The following AUTS2 variants were observed in gnomAD, a reference collection of about 807,000 sequenced individuals.
AUTS2 encodes autism susceptibility gene 2 protein.
In AUTS2, 17 loss-of-function variants were observed where a neutral mutation model predicts 112.4. The ratio of observed to expected loss-of-function variants is 0.15; its 90% CI spans 0.10 to 0.23. The LOEUF (loss-of-function observed/expected upper bound fraction) is 0.23, where lower values mean the gene tolerates loss of function less well. Among genes scored for constraint, AUTS2 ranks in the 10% least tolerant of loss-of-function variants. AUTS2 has a pLI of 1.00. For missense variants in AUTS2, 1,510 were observed against 1,701.6 expected (o/e 0.89, Z 1.98); for synonymous variants, 751 against 702.7 (o/e 1.07, Z -1.09).
intron 1 of AUTS2, among the ~76,000 whole-genome samples, chr7:69,606,674 A>AT (rs1792736651): frequency 6.6e-6 from 1 of 152,200 alleles, no homozygotes; most frequent in African/African-American, 2.4e-5. Flanking sequence ...GCAACTGTTA[A>AT]TTTTAGAAAG....
intron 6 of AUTS2, among the ~76,000 whole-genome samples, chr7:70,722,588 A>G (rs55782022): frequency 0.1 from 15,414 of 152,276 alleles, 998 homozygotes; most frequent in East Asian, 0.24. Context: ...TCATTAAGAA[A>G]GGATTTAACT....
chr7:70,004,522 C>CA (rs1162310314), intron 2 of AUTS2, among the ~76,000 whole-genome samples: 1 of 148,890 alleles, frequency 6.7e-6, no homozygotes, highest in Non-Finnish European at 1.5e-5. Context: ...GAAGGAACTA[C>CA]AAAAAGTTTT....
At chr7:69,854,511 A>C (rs375459953) in intron 1 of AUTS2, among the ~76,000 whole-genome samples, 2 of 152,078 alleles carry the variant, frequency 1.3e-5, no homozygotes, top group East Asian at 3.9e-4. Context: ...GATATAACCT[A>C]GATTTTATCC....
At chr7:69,707,176 A>C (rs754098505) in intron 1 of AUTS2, among the ~76,000 whole-genome samples, 27 of 152,284 alleles carry the variant, frequency 1.8e-4, no homozygotes, top group Middle Eastern at 6.8e-3. Flanking sequence ...CAGTGGGTCC[A>C]TTGGTTAGCT....
chr7:70,188,217 A>C (rs995285453), intron 4 of AUTS2, among the ~76,000 whole-genome samples: 1 of 152,228 alleles, frequency 6.6e-6, no homozygotes, highest in Non-Finnish European at 1.5e-5. Context: ...ATAATGAAAC[A>C]TACACACTTT....
intron 2 of AUTS2, among the ~76,000 whole-genome samples, chr7:69,962,403 G>A (rs973919553): frequency 1.1e-4 from 17 of 152,076 alleles, no homozygotes; most frequent in African/African-American, 4.8e-5. Context: ...GCACTTCTCC[G>A]TCCCCCTAAA....
intron 1 of AUTS2, among the ~76,000 whole-genome samples, chr7:69,863,805 G>A (rs1003570089): frequency 6.6e-6 from 1 of 152,192 alleles, no homozygotes; most frequent in Non-Finnish European, 1.5e-5. Flanking sequence ...TACATCCTGG[G>A]TGTGCTGAAA....
At chr7:70,222,774 C>T (rs1253077815) in intron 4 of AUTS2, among the ~76,000 whole-genome samples, 1 of 151,788 alleles carries the variant, frequency 6.6e-6, no homozygotes, top group Non-Finnish European at 1.5e-5. Flanking sequence ...GGAGAACTGG[C>T]TTTTATTGCT....
At chr7:70,451,346 T>C (rs947640862) in intron 5 of AUTS2, among the ~76,000 whole-genome samples, 9 of 152,104 alleles carry the variant, frequency 5.9e-5, no homozygotes, top group African/African-American at 1.9e-4. Context: ...AACATACACA[T>C]GTACCCCCGA....
intron 4 of AUTS2, among the ~76,000 whole-genome samples, chr7:70,312,271 G>A (rs866632344): frequency 6.6e-6 from 1 of 152,252 alleles, no homozygotes; most frequent in South Asian, 2.1e-4. Context: ...ACTTTAGAAA[G>A]ATCCATTTAG....
intron 1 of AUTS2, among the ~76,000 whole-genome samples, chr7:69,683,316 T>C (rs1183346958): frequency 6.6e-6 from 1 of 152,116 alleles, no homozygotes; most frequent in Non-Finnish European, 1.5e-5. Flanking sequence ...CAACAAAAAG[T>C]GGCAGGAACC....
At chr7:69,803,650 A>G (rs1052517768) in intron 1 of AUTS2, among the ~76,000 whole-genome samples, 1 of 152,218 alleles carries the variant, frequency 6.6e-6, no homozygotes, top group East Asian at 1.9e-4. Flanking sequence ...ATTAAACTCA[A>G]CTGTTCCCAC....
intron 4 of AUTS2, among the ~76,000 whole-genome samples, chr7:70,261,113 A>G (rs1787150004): frequency 6.6e-6 from 1 of 152,326 alleles, no homozygotes; most frequent in Non-Finnish European, 1.5e-5. Flanking sequence ...GGTGAAAATT[A>G]CAGCATATAG....
At chr7:70,734,450 GAA>G (rs2129553185) in intron 6 of AUTS2, among the ~76,000 whole-genome samples, 1 of 148,836 alleles carries the variant, frequency 6.7e-6, no homozygotes, top group East Asian at 2.0e-4. Flanking sequence ...AAAAAAAAAA[GAA>G]AAAAGAAGAA....
At chr7:69,743,210 A>G (rs1787342679) in intron 1 of AUTS2, among the ~76,000 whole-genome samples, 2 of 152,174 alleles carry the variant, frequency 1.3e-5, no homozygotes, top group Admixed American at 1.3e-4. Flanking sequence ...TGGGAATAAT[A>G]ATAGTTCCTT....
At chr7:70,084,737 G>GT (rs1279710588) in intron 2 of AUTS2, among the ~76,000 whole-genome samples, 1 of 151,948 alleles carries the variant, frequency 6.6e-6, no homozygotes, top group African/African-American at 2.4e-5. Flanking sequence ...TTTTTCTTGA[G>GT]TGTCGAGTTC....
At chr7:69,801,991 G>T (rs1259722983) in intron 1 of AUTS2, among the ~76,000 whole-genome samples, 1 of 152,146 alleles carries the variant, frequency 6.6e-6, no homozygotes, top group Non-Finnish European at 1.5e-5. Flanking sequence ...CTAAAAGGGG[G>T]TGAGGAAGTA....
At chr7:70,713,355 G>A (rs567343711) in intron 6 of AUTS2, among the ~76,000 whole-genome samples, 76 of 152,300 alleles carry the variant, frequency 5.0e-4, no homozygotes, top group African/African-American at 1.8e-3. Flanking sequence ...TAGAACAATG[G>A]GCAGAAGTGT....
chr7:69,942,597 C>T (rs568039407), intron 2 of AUTS2, among the ~76,000 whole-genome samples: 94 of 152,322 alleles, frequency 6.2e-4, no homozygotes, highest in South Asian at 2.5e-3. Flanking sequence ...CTGAGGGAGA[C>T]TGTCCAGCAT....
Sources: allele counts gnomAD v4.1 joint callset (sites outside exome capture counted in the v4.1 genomes callset), GRCh38; gene constraint gnomAD v4.1.1; transcripts MANE v1.5; gene names NCBI Gene and HGNC (gene_info 2026-07-23, HGNC 2026-07-21).